GFM2: variants seen among roughly 807,000 people sequenced by gnomAD.
GFM2 encodes ribosome-releasing factor 2, mitochondrial.
Under a neutral mutation model 95.4 loss-of-function variants are expected in GFM2, and 72 were observed. The ratio of observed to expected loss-of-function variants is 0.76; its 90% confidence interval spans 0.62 to 0.92. The LOEUF is 0.92. GFM2 is among the 40% of genes least tolerant of loss of function. The pLI, the probability that GFM2 is intolerant of heterozygous loss-of-function variation, is 0.00. For synonymous variants in GFM2, 276 were observed against 317.5 expected (o/e 0.87, Z 1.39); for missense variants, 825 against 924.1 (o/e 0.89, Z 1.39).
chr5:74,724,408 T>C (rs957665127), intron 19 of GFM2, among the ~76,000 whole-genome samples: 8 of 151,652 alleles, frequency 5.3e-5, no homozygotes, highest in Non-Finnish European at 8.8e-5. Flanking sequence ...GAGGCCGAGG[T>C]TGGCAGACTG....
chr5:74,727,949 T>C (rs979498130), intron 17 of GFM2, among the ~76,000 whole-genome samples: 1 of 152,216 alleles, frequency 6.6e-6, no homozygotes, highest in Non-Finnish European at 1.5e-5. Context: ...CATGAGAACC[T>C]ATTTCTCCTG....
chr5:74,743,395 C>T (rs1164828636), intron 10 of GFM2, among the ~76,000 whole-genome samples: 1 of 152,184 alleles, frequency 6.6e-6, no homozygotes, highest in African/African-American at 2.4e-5. Flanking sequence ...TATAATTCTC[C>T]ACACCTTTGC....
chr5:74,744,633 T>C (rs1302645450), intron 10 of GFM2, among the ~76,000 whole-genome samples: 3 of 152,204 alleles, frequency 2.0e-5, no homozygotes, highest in African/African-American at 7.2e-5. Flanking sequence ...AACTATAAAA[T>C]TGATGGTTTT....
chr5:74,749,878 GGCTGTA>G (rs1743605724), intron 7 of GFM2, among the ~76,000 whole-genome samples: 1 of 151,966 alleles, frequency 6.6e-6, no homozygotes, highest in African/African-American at 2.4e-5. Context: ...CCTACCCCAA[GGCTGTA>G]AAGATATTTT....
At chr5:74,732,840 TGATA>T (rs1443144135) in intron 16 of GFM2, among the ~76,000 whole-genome samples, 178 bp downstream of exon 16, 1 of 151,982 alleles carries the variant, frequency 6.6e-6, no homozygotes, top group Non-Finnish European at 1.5e-5. Context: ...TTATTTAGCT[TGATA>T]GTCAACATAA....
chr5:74,743,413 T>C (rs1427054365), intron 10 of GFM2, among the ~76,000 whole-genome samples: 1 of 152,226 alleles, frequency 6.6e-6, no homozygotes, highest in Non-Finnish European at 1.5e-5. Context: ...TGCCAACACC[T>C]ATTTTCTGTA....
intron 7 of GFM2, among the ~76,000 whole-genome samples, chr5:74,748,914 A>AAAATAAAATAAAATAAAAT (rs1561253774): frequency 2.1e-4 from 23 of 111,332 alleles, no homozygotes; most frequent in African/African-American, 4.4e-4. Flanking sequence ...TAAAATAAAA[A>AAAATAAAATAAAATAAAAT]AATAAAAAAA....
intron 5 of GFM2, 76 bp from the exon 6 acceptor site, chr5:74,751,569 C>T (rs1346397150): frequency 1.1e-5 from 11 of 1,029,308 alleles, no homozygotes; most frequent in Non-Finnish European, 1.3e-5. Flanking sequence ...CTACCTGACA[C>T]AGTTTAACCT....
chr5:74,723,035 T>C (rs111573658), intron 19 of GFM2, among the ~76,000 whole-genome samples: 1,533 of 152,132 alleles, frequency 0.01, 16 homozygotes, highest in South Asian at 0.017. Flanking sequence ...AGAACATGCA[T>C]AAAGAATGTG....
chr5:74,722,174 C>T, intron 20 of GFM2: 3 of 556,856 alleles, frequency 5.4e-6, no homozygotes, highest in Non-Finnish European at 9.4e-6. Flanking sequence ...CTGTAAATAC[C>T]CCCTTGTAGT....
At chr5:74,728,947 G>A (rs1579973080) in intron 17 of GFM2, among the ~76,000 whole-genome samples, 1 of 151,562 alleles carries the variant, frequency 6.6e-6, no homozygotes, top group East Asian at 1.9e-4. Context: ...GTAGAAACGG[G>A]GTCACCATAT....
At chr5:74,735,463 G>A (rs1332054782) in intron 15 of GFM2, among the ~76,000 whole-genome samples, 2 of 152,150 alleles carry the variant, frequency 1.3e-5, no homozygotes, top group Non-Finnish European at 2.9e-5. Context: ...CCCATAATCT[G>A]TGAGTCCAAC....
Position 74,750,636 on chromosome 5 carries a change from C to A in GFM2, c.462G>T (p.Arg154=), listed in dbSNP as rs2112320093. The A allele has an allele frequency of 6.2e-7, 1 of 1,613,398 alleles. No homozygotes were observed. Among genetic ancestry groups the A allele is most frequent in the East Asian group, 2.2e-5 (1 of 44,860 alleles). Residue 154 remains arginine, a synonymous_variant, in exon 7 of 21, where the codon CGG becomes CGT. Transcript: ENST00000296805. ...GHVDFTLEVE[R]CLRVLDGAVA... ...CTGCACCATCCAACACTCTTAGGCA[C>A]CGCTCAACCTCCAAGGTAAAGTCCA...
intron 10 of GFM2, among the ~76,000 whole-genome samples, chr5:74,745,389 G>A (rs934502098): frequency 9.2e-5 from 14 of 151,986 alleles, no homozygotes; most frequent in African/African-American, 3.4e-4. Context: ...ATAATTTGGG[G>A]GACAGGTAGA....
At chr5:74,742,447 C>G (rs1469021152) in intron 10 of GFM2, among the ~76,000 whole-genome samples, 2 of 152,090 alleles carry the variant, frequency 1.3e-5, no homozygotes, top group African/African-American at 4.8e-5. Context: ...CTTAGTAACT[C>G]ACAAAGATGA....
At chr5:74,763,630 A>G (rs763572134) in intron 2 of GFM2, 50 bp downstream of exon 2, 2 of 1,049,990 alleles carry the variant, frequency 1.9e-6, no homozygotes, top group South Asian at 2.6e-5. Context: ...TTTAGGCAGT[A>G]AAGGAGCTGA....
chr5:74,749,849 G>A (rs558405160), intron 7 of GFM2, among the ~76,000 whole-genome samples: 247 of 151,946 alleles, frequency 1.6e-3, no homozygotes, highest in Non-Finnish European at 3.1e-3. Flanking sequence ...TGCTTCTTAT[G>A]TCCTCTAAGA....
At chr5:74,761,970 C>T (rs1744305048) in intron 2 of GFM2, among the ~76,000 whole-genome samples, 2 of 152,106 alleles carry the variant, frequency 1.3e-5, no homozygotes, top group Admixed American at 1.3e-4. Context: ...AAAATAATTC[C>T]ACTGCATAAT....
At chr5:74,761,076 T>C (rs1447617551) in intron 2 of GFM2, 90 bp from the exon 3 acceptor site, 1 of 755,882 alleles carries the variant, frequency 1.3e-6, no homozygotes, top group African/African-American at 1.8e-5. Flanking sequence ...TGTCAGAAGA[T>C]AAAATATTTT....
Sources: gnomAD v4.1 joint callset for allele counts (sites outside exome capture counted in the v4.1 genomes callset) on GRCh38, gnomAD v4.1.1 for gene constraint, MANE v1.5 for transcripts, NCBI Gene and HGNC (gene_info 2026-07-23, HGNC 2026-07-21) for gene names.